Variants in INTS6 observed in about 807,000 individuals in gnomAD.
INTS6 encodes the protein integrator complex subunit 6.
Under a neutral mutation model 104.9 loss-of-function variants are expected in INTS6, and 16 were observed. That is an observed-to-expected ratio of 0.15 (90% CI 0.10 to 0.23). The LOEUF (loss-of-function observed/expected upper bound fraction) is 0.23, where lower values mean the gene tolerates loss of function less well. Among genes scored for constraint, INTS6 ranks in the 10% least tolerant of loss-of-function variants. The pLI is 1.00. For missense variants in INTS6, 584 were observed against 1,062.8 expected (o/e 0.55, Z 6.26); for synonymous variants, 324 against 358.7 (o/e 0.90, Z 1.09).
chr13:51,360,939 G>A (rs950730176), downstream of INTS6, among the ~76,000 whole-genome samples: 3 of 152,042 alleles, frequency 2.0e-5, no homozygotes, highest in African/African-American at 7.2e-5. Flanking sequence ...CTGGCTGAAG[G>A]AGGGATTGTA....
At chr13:51,371,251 T>C (rs1409565802) in intron 15 of INTS6, among the ~76,000 whole-genome samples, 3 of 152,072 alleles carry the variant, frequency 2.0e-5, no homozygotes, top group Non-Finnish European at 2.9e-5. Context: ...GCCTCCCCAT[T>C]CCCCAGCTTC....
the INTS6 span, among the ~76,000 whole-genome samples, chr13:51,338,351 A>T: frequency 6.6e-6 from 1 of 152,206 alleles, no homozygotes; most frequent in Non-Finnish European, 1.5e-5. Context: ...AGCTGAGCCC[A>T]GGTTACTGGT....
chr13:51,380,943 C>T (rs1023612496), intron 10 of INTS6, among the ~76,000 whole-genome samples: 9 of 152,040 alleles, frequency 5.9e-5, no homozygotes, highest in African/African-American at 1.2e-4. Context: ...TAAATATAGT[C>T]GGCCCTACAT....
intron 4 of INTS6, among the ~76,000 whole-genome samples, chr13:51,408,446 T>A (rs1045427028): frequency 6.6e-6 from 1 of 152,164 alleles, no homozygotes; most frequent in Admixed American, 6.5e-5. Context: ...CACCCGGTCA[T>A]TGAGTTTTAT....
chr13:51,393,632 AG>A (rs1956284600), intron 5 of INTS6, among the ~76,000 whole-genome samples: 1 of 152,224 alleles, frequency 6.6e-6, no homozygotes, highest in Admixed American at 6.5e-5. Context: ...CTATCACATC[AG>A]GAAGGATTCA....
At chr13:51,404,576 A>G (rs1956522761) in intron 4 of INTS6, among the ~76,000 whole-genome samples, 1 of 152,182 alleles carries the variant, frequency 6.6e-6, no homozygotes, top group South Asian at 2.1e-4. Context: ...CACTCCATCC[A>G]GCTCAATGTA....
At chr13:51,439,022 CTGT>C (rs1952744709) in intron 3 of INTS6, 1 of 152,284 alleles carries the variant, frequency 6.6e-6, no homozygotes, top group Admixed American at 6.5e-5. Flanking sequence ...AACCAAAAGA[CTGT>C]TGTTGTTTCC....
At chr13:51,435,721 G>A (rs1957174921) in intron 3 of INTS6, among the ~76,000 whole-genome samples, 2 of 152,176 alleles carry the variant, frequency 1.3e-5, no homozygotes, top group East Asian at 1.9e-4. Flanking sequence ...ATGTAGTGGA[G>A]GAGGGGCATA....
intron 4 of INTS6, among the ~76,000 whole-genome samples, chr13:51,410,799 G>C (rs902399786): frequency 2.0e-5 from 3 of 152,138 alleles, no homozygotes; most frequent in Admixed American, 6.5e-5. Context: ...TAAAGAACTT[G>C]TATCCTATCC....
chr13:51,432,704 T>C (rs1350471437), intron 3 of INTS6, among the ~76,000 whole-genome samples: 1 of 152,198 alleles, frequency 6.6e-6, no homozygotes, highest in Admixed American at 6.5e-5. Flanking sequence ...TCAATATAAA[T>C]GTGTACTCCC....
the INTS6 span, chr13:51,348,125 C>T: frequency 9.6e-7 from 1 of 1,038,816 alleles, no homozygotes; most frequent in Non-Finnish European, 1.4e-6. Context: ...GTTTCCAGTC[C>T]TCTGAGCCAG....
chr13:51,391,125 T>C (rs1473970124), intron 5 of INTS6, among the ~76,000 whole-genome samples: 2 of 152,258 alleles, frequency 1.3e-5, no homozygotes, highest in East Asian at 1.9e-4. Flanking sequence ...TTCAAATTTT[T>C]TTCTAAGTCA....
At chr13:51,348,915 G>A in the INTS6 span, among the ~76,000 whole-genome samples, 3 of 102,988 alleles carry the variant, frequency 2.9e-5, no homozygotes, top group South Asian at 9.1e-4. Flanking sequence ...TTAAGTCTCT[G>A]TGCAGAAGGT....
At position 51,402,101 on chromosome 13, in the gene INTS6, A is replaced by G. The variant is rs1463411129; in HGVS notation, c.430-6618T>C. 2.6e-5 allele frequency among the ~76,000 whole-genome samples: 4 copies of G among 152,262 alleles called. No individual in the cohort carries two copies. The South Asian group carries it at 6.2e-4, about 24-fold the overall frequency. On this transcript the variant is annotated intron_variant, in intron 4 of 17. Coordinates refer to ENST00000311234, the MANE Select transcript of INTS6 (RefSeq NM_012141.3). ...ACTCTTCATACAAAGGAGTGGCAAT[A>G]TATTTTTCTCCCTCTTGCTTTTCCC...
chr13:51,416,095 C>T (rs1209960868), intron 4 of INTS6, among the ~76,000 whole-genome samples: 1 of 152,052 alleles, frequency 6.6e-6, no homozygotes, highest in Admixed American at 6.5e-5. Context: ...TATTAGTGAT[C>T]TTATTAACAA....
At chr13:51,361,382 C>T, downstream of INTS6, 2 of 1,469,338 alleles carry the variant, frequency 1.4e-6, no homozygotes, top group Non-Finnish European at 1.9e-6. Context: ...CAGAGAATAC[C>T]CAGTCACACT....
chr13:51,451,313 G>A, intron 2 of INTS6, 139 bp from the exon 3 acceptor site: 1 of 524,598 alleles, frequency 1.9e-6, no homozygotes, highest in African/African-American at 2.0e-5. Flanking sequence ...CTGTACCGCT[G>A]CTGAGGAAAC....
chr13:51,383,701 G>A lies in INTS6; in HGVS notation c.935C>T (p.Thr312Ile), dbSNP rs769877733. Residue 312 changes from threonine to isoleucine, a missense_variant, in exon 8 of 18, where the codon ACA (threonine) becomes ATA (isoleucine). This residue lies in a region of INTS6 where 144 missense variants were observed against 348.7 expected (regional missense o/e 0.41). Coordinates refer to ENST00000311234, the MANE Select transcript of INTS6 (RefSeq NM_012141.3). ...ATCAATAACCATTGGTTCACAGTCT[G>A]TACAGGAAAACTTCACTACAGGATG... ...TSHPVVKFSC[T>I]DCEPMVIDKL... is the part of the protein sequence containing the mutation. The A allele has an allele frequency of 6.2e-7, 1 of 1,613,798 alleles. No individual in the cohort carries two copies. The highest frequency in any genetic ancestry group is 1.1e-5 in the South Asian group (1 of 91,062).
chr13:51,391,826 T>C (rs529407199), intron 5 of INTS6, among the ~76,000 whole-genome samples: 2 of 152,356 alleles, frequency 1.3e-5, no homozygotes, highest in Admixed American at 6.5e-5. Context: ...TCTAGAAATA[T>C]CTATAATTTT....
Sources: allele counts gnomAD v4.1 joint callset (sites outside exome capture counted in the v4.1 genomes callset), GRCh38; gene constraint gnomAD v4.1.1; regional missense constraint gnomAD v4.1.1; transcripts MANE v1.5; gene names NCBI Gene and HGNC (gene_info 2026-07-23, HGNC 2026-07-21).